Variants in POPDC3 observed in about 807,000 individuals in gnomAD.
POPDC3 encodes popeye domain-containing protein 3.
Under a neutral mutation model 28.2 loss-of-function variants are expected in POPDC3, and 20 were observed. The observed-to-expected ratio is 0.71, with a 90% CI of 0.50 to 1.03. The LOEUF is 1.03. POPDC3 is among the 50% of genes least tolerant of loss of function. The pLI, the probability that POPDC3 is intolerant of heterozygous loss-of-function variation, is 0.00. For synonymous variants in POPDC3, 118 were observed against 124.1 expected, an observed-to-expected ratio of 0.95 and a Z score of 0.33; for missense variants, 316 against 345.9, an observed-to-expected ratio of 0.91 and a Z score of 0.69.
chr6:105,176,481 G>GA (rs1279702417), intron 1 of POPDC3, among the ~76,000 whole-genome samples: 1 of 152,220 alleles, frequency 6.6e-6, no homozygotes, highest in Non-Finnish European at 1.5e-5. Context: ...AAAGTAGGGA[G>GA]AAAGACTCAG....
At position 105,158,389 on chromosome 6, in the gene POPDC3, CT is replaced by C. The variant is rs200555248; in HGVS notation, c.*80del. On this transcript the variant is annotated 3_prime_UTR_variant, in exon 4 of 4. Coordinates refer to ENST00000254765, the MANE Select transcript of POPDC3 (RefSeq NM_022361.5). ...TGATTTATAAAAACATTAGGGAGCT[CT>C]TTTTTTGTATTTTGCTATTTCACTG... is the stretch of plus-strand genomic sequence containing the variant. 75 of 1,254,152 alleles carry C rather than the reference CT, an allele frequency of 6.0e-5. 1 individual carries two copies. In the East Asian group the frequency reaches 1.3e-3, roughly 22 times the overall value. The allele number at this position is 1,254,152 out of a possible 1,614,324, so 77.7% of individuals were successfully genotyped here.
At position 105,157,953 on chromosome 6, in the gene POPDC3, ATAT is replaced by A. The variant is rs1344151361; in HGVS notation, c.*514_*516del. Among the ~76,000 whole-genome samples, 6 of 152,328 alleles carry A rather than the reference ATAT, an allele frequency of 3.9e-5. No individual in the cohort carries two copies. The highest frequency in any genetic ancestry group is 1.9e-4 in the East Asian group (1 of 5,192). Reference sequence around the variant, plus strand: ...CAATAAAATAGGCTTCAAGATTCACATATTATTATCTCTTGCATTTATTCTACT... The same window carrying A: ...CAATAAAATAGGCTTCAAGATTCACATATTATCTCTTGCATTTATTCTACT... On this transcript the variant is annotated 3_prime_UTR_variant, in exon 4 of 4. Transcript: ENST00000254765.
chr6:105,161,971 A>G lies in POPDC3; in HGVS notation c.-62T>C. 4.6e-6 allele frequency: 7 copies of G among 1,526,930 alleles called. No individual in the cohort carries two copies. The highest frequency in any genetic ancestry group is 6.1e-6 in the Non-Finnish European group (7 of 1,142,290). The allele number at this position is 1,526,930 out of a possible 1,614,324, so 94.6% of individuals were successfully genotyped here. A position where few individuals can be genotyped will look rare whatever the true frequency, so the allele number is the denominator to read the frequency against. The stretch of plus-strand genomic sequence containing the variant: ...TTAGATGACACTGAAACAGGTAACT[A>G]AGTCCTTTGGTTCTCCATCATGAGA... On this transcript the variant is annotated 5_prime_UTR_variant, in exon 2 of 4. It removes the in-frame stop codon of an upstream open reading frame in the 5' UTR. Coordinates refer to ENST00000254765, the MANE Select transcript of POPDC3 (RefSeq NM_022361.5).
At chr6:105,178,708 A>G in intron 1 of POPDC3, 1 of 984,548 alleles carries the variant, frequency 1.0e-6, no homozygotes. Flanking sequence ...TTTTTTGTTT[A>G]TATTTTCTGT....
At chr6:105,165,937 T>C (rs1459438023) in intron 1 of POPDC3, among the ~76,000 whole-genome samples, 3 of 152,194 alleles carry the variant, frequency 2.0e-5, no homozygotes, top group African/African-American at 7.2e-5. Flanking sequence ...CCAGCAACTA[T>C]GTGCCAGGCA....
chr6:105,166,926 G>T (rs1774468783), intron 1 of POPDC3, among the ~76,000 whole-genome samples: 1 of 151,712 alleles, frequency 6.6e-6, no homozygotes, highest in South Asian at 2.1e-4. Context: ...AGAGCATTGT[G>T]TGTGTGTATA....
rs1351602665 is a variant in POPDC3, at chr6:105,176,460, C to A, written c.-252+3373G>T. Among the ~76,000 whole-genome samples, 3 of 152,240 alleles carry A rather than the reference C, an allele frequency of 2.0e-5. No individual in the cohort carries two copies. In the East Asian group the frequency reaches 5.8e-4, roughly 29 times the overall value. On this transcript the variant is annotated intron_variant, in intron 1 of 3. Transcript: ENST00000254765. ...GTTTATGTACAAAGTTAGTTTTTCA[C>A]ACAGGGACTCAAAGTAGGGAGAAAG...
chr6:105,174,190 A>G (rs145621972), intron 1 of POPDC3, among the ~76,000 whole-genome samples: 143 of 152,306 alleles, frequency 9.4e-4, no homozygotes, highest in African/African-American at 3.3e-3. Flanking sequence ...TAAAGGCGCT[A>G]CCACACCCGG....
chr6:105,164,919 C>T (rs541524512), intron 1 of POPDC3, among the ~76,000 whole-genome samples: 17 of 152,280 alleles, frequency 1.1e-4, no homozygotes, highest in African/African-American at 4.1e-4. Flanking sequence ...AATGAAGATA[C>T]AAGGATGCTC....
At chr6:105,164,169 G>T (rs896184006) in intron 1 of POPDC3, among the ~76,000 whole-genome samples, 1 of 152,194 alleles carries the variant, frequency 6.6e-6, no homozygotes, top group African/African-American at 2.4e-5. Flanking sequence ...AGATTTGCTA[G>T]TGGAGCTCTG....
chr6:105,173,274 G>A (rs1229772358), intron 1 of POPDC3, among the ~76,000 whole-genome samples: 5 of 152,150 alleles, frequency 3.3e-5, no homozygotes, highest in African/African-American at 1.2e-4. Context: ...ATTCCAAACA[G>A]AATGTTTTAA....
intron 1 of POPDC3, among the ~76,000 whole-genome samples, chr6:105,166,972 T>A (rs1774469929): frequency 2.6e-5 from 4 of 151,968 alleles, no homozygotes; most frequent in Middle Eastern, 6.8e-3. Flanking sequence ...AATTTTCCTC[T>A]GTCTAGCACA....
intron 1 of POPDC3, among the ~76,000 whole-genome samples, chr6:105,172,022 A>T (rs1774586742): frequency 6.6e-6 from 1 of 151,112 alleles, no homozygotes; most frequent in East Asian, 1.9e-4. Flanking sequence ...CAAAGCCAAA[A>T]TTGACAAATG....
intron 1 of POPDC3, among the ~76,000 whole-genome samples, chr6:105,174,672 G>GT (rs1340816468): frequency 6.6e-6 from 1 of 152,144 alleles, no homozygotes; most frequent in African/African-American, 2.4e-5. Context: ...TCAAACCATT[G>GT]TGAGTCAGGG....
chr6:105,170,899 C>CA (rs1385391308), intron 1 of POPDC3, among the ~76,000 whole-genome samples: 2 of 152,030 alleles, frequency 1.3e-5, no homozygotes, highest in African/African-American at 4.8e-5. Context: ...AAAAAAAGGC[C>CA]AAAAACTTGC....
intron 1 of POPDC3, among the ~76,000 whole-genome samples, chr6:105,163,276 A>G (rs745369210): frequency 6.6e-6 from 1 of 152,180 alleles, no homozygotes; most frequent in Non-Finnish European, 1.5e-5. Context: ...TATTTATCAG[A>G]TGGTCAAAAA....
At chr6:105,169,735 T>G (rs1774536549) in intron 1 of POPDC3, 1 of 152,200 alleles carries the variant, frequency 6.6e-6, no homozygotes, top group South Asian at 2.1e-4. Context: ...GCATCTAGCA[T>G]TTACTGAGCA....
Position 105,161,808 on chromosome 6 carries a change from A to G in POPDC3, c.102T>C (p.Ser34=). 1.2e-6 allele frequency: 2 copies of G among 1,614,202 alleles called. No individual in the cohort carries two copies. Among genetic ancestry groups the G allele is most frequent in the Non-Finnish European group, 1.7e-6 (2 of 1,180,028 alleles). Residue 34 remains serine, a synonymous_variant, in exon 2 of 4, where the codon AGT becomes AGC. Coordinates refer to ENST00000254765, the MANE Select transcript of POPDC3 (RefSeq NM_022361.5). ...CCATGAAACCTACTACAAATAAAAT[A>G]CTGGCAAGATGATAAATGGCTCCTT... is the stretch of plus-strand genomic sequence containing the variant. The part of the protein sequence containing the change: ...EAEGAIYHLA[S]ILFVVGFMGG...
At chr6:105,168,448 A>C (rs912873529) in intron 1 of POPDC3, among the ~76,000 whole-genome samples, 3 of 152,210 alleles carry the variant, frequency 2.0e-5, no homozygotes, top group Non-Finnish European at 4.4e-5. Context: ...GAAATCAGAG[A>C]ACATGCCGAC....
Sources: gnomAD v4.1 joint callset for allele counts (sites outside exome capture counted in the v4.1 genomes callset) on GRCh38, gnomAD v4.1.1 for gene constraint, MANE v1.5 for transcripts, NCBI Gene and HGNC (gene_info 2026-07-23, HGNC 2026-07-21) for gene names.